The following PTPRJ variants were observed in gnomAD, a reference collection of about 807,000 sequenced individuals.
PTPRJ encodes the protein receptor-type tyrosine-protein phosphatase eta.
Under a neutral mutation model 141.3 loss-of-function variants are expected in PTPRJ, and 129 were observed. The ratio of observed to expected loss-of-function variants is 0.91; its 90% CI spans 0.79 to 1.06. The LOEUF is 1.06. PTPRJ is among the 50% of genes least tolerant of loss of function. PTPRJ has a pLI of 0.00. For synonymous variants in PTPRJ, 610 were observed against 640.5 expected, an observed-to-expected ratio of 0.95 and a Z score of 0.72; for missense variants, 1,601 against 1,679.7, an observed-to-expected ratio of 0.95 and a Z score of 0.82.
intron 2 of PTPRJ, among the ~76,000 whole-genome samples, chr11:48,111,596 A>G (rs1380754323): frequency 2.6e-5 from 4 of 152,202 alleles, no homozygotes; most frequent in Non-Finnish European, 2.9e-5. Flanking sequence ...AGTTTAATAA[A>G]TAAACTGGTG....
intron 1 of PTPRJ, among the ~76,000 whole-genome samples, chr11:47,990,647 A>C (rs1854165262): frequency 6.7e-6 from 1 of 150,114 alleles, no homozygotes; most frequent in Non-Finnish European, 1.5e-5. Context: ...GCTGACCTCA[A>C]GTGATCTGCC....
intron 1 of PTPRJ, among the ~76,000 whole-genome samples, chr11:47,983,200 G>A (rs1443328508): frequency 1.3e-5 from 2 of 151,336 alleles, no homozygotes; most frequent in Admixed American, 6.6e-5. Flanking sequence ...TTTTTTTCCC[G>A]TGTTTTCACT....
intron 1 of PTPRJ, among the ~76,000 whole-genome samples, chr11:48,061,825 G>A (rs181324736): frequency 9.0e-4 from 136 of 151,790 alleles, no homozygotes; most frequent in African/African-American, 3.2e-3. Flanking sequence ...TCCATGTTGT[G>A]TGACTTTGGA....
chr11:48,006,988 T>C (rs1854639397), intron 1 of PTPRJ, among the ~76,000 whole-genome samples: 1 of 152,216 alleles, frequency 6.6e-6, no homozygotes, highest in Non-Finnish European at 1.5e-5. Context: ...ATTTTTCAAA[T>C]ATGAAATCAG....
At chr11:48,106,148 TGAA>T (rs1856282659) in intron 1 of PTPRJ, among the ~76,000 whole-genome samples, 1 of 152,152 alleles carries the variant, frequency 6.6e-6, no homozygotes, top group African/African-American at 2.4e-5. Flanking sequence ...GGTATATGGA[TGAA>T]GGAGTAGGGC....
At chr11:48,085,426 C>A (rs1855676520) in intron 1 of PTPRJ, among the ~76,000 whole-genome samples, 1 of 152,106 alleles carries the variant, frequency 6.6e-6, no homozygotes, top group Non-Finnish European at 1.5e-5. Flanking sequence ...CTCACTGCAA[C>A]CTCCGCCTCC....
chr11:48,076,769 T>G (rs905475292), intron 1 of PTPRJ, among the ~76,000 whole-genome samples: 4 of 138,690 alleles, frequency 2.9e-5, no homozygotes, highest in Non-Finnish European at 4.6e-5. Context: ...ATATCAAACA[T>G]AAGCCAGTGA....
intron 4 of PTPRJ, 44 bp from the exon 5 acceptor site, chr11:48,123,569 G>C: frequency 6.3e-7 from 1 of 1,586,100 alleles, no homozygotes; most frequent in South Asian, 1.1e-5. Context: ...GAAGGTGACT[G>C]CATATATCTT....
chr11:48,025,787 A>G (rs770154796), intron 1 of PTPRJ, among the ~76,000 whole-genome samples: 2 of 152,188 alleles, frequency 1.3e-5, no homozygotes, highest in Non-Finnish European at 2.9e-5. Flanking sequence ...GTCAGCTCCT[A>G]TGTGTGGCCT....
intron 9 of PTPRJ, 75 bp from the exon 10 acceptor site, chr11:48,136,928 T>G: frequency 1.4e-6 from 2 of 1,399,168 alleles, no homozygotes; most frequent in South Asian, 2.8e-5. Context: ...CAGGCTATTT[T>G]TGGATATAGT....
At chr11:48,050,032 A>G (rs79858082) in intron 1 of PTPRJ, among the ~76,000 whole-genome samples, 1 of 152,356 alleles carries the variant, frequency 6.6e-6, no homozygotes, top group East Asian at 1.9e-4. Flanking sequence ...GAGTCTGCTG[A>G]CAGACACGTG....
chr11:48,012,538 GCAAGTGTA>G (rs1854829101), intron 1 of PTPRJ, among the ~76,000 whole-genome samples: 1 of 152,056 alleles, frequency 6.6e-6, no homozygotes, highest in South Asian at 2.1e-4. Flanking sequence ...CTTTTACACA[GCAAGTGTA>G]ACCTCTGAAG....
At chr11:48,135,335 C>T (rs554116993) in intron 8 of PTPRJ, among the ~76,000 whole-genome samples, 224 of 151,846 alleles carry the variant, frequency 1.5e-3, no homozygotes, top group African/African-American at 5.1e-3. Context: ...CCACCACGCC[C>T]GGCTAATTTT....
At chr11:48,159,689 G>C (rs547929480) in intron 21 of PTPRJ, among the ~76,000 whole-genome samples, 1 of 152,166 alleles carries the variant, frequency 6.6e-6, no homozygotes, top group African/African-American at 2.4e-5. Flanking sequence ...GCAGGAATTG[G>C]AGGTGGTAGT....
intron 1 of PTPRJ, among the ~76,000 whole-genome samples, chr11:48,005,276 A>G (rs1383877945): frequency 1.3e-5 from 2 of 151,902 alleles, no homozygotes; most frequent in African/African-American, 4.8e-5. Flanking sequence ...GAATTGTGCA[A>G]CCATCACTGC....
At chr11:48,073,881 C>A (rs1382058253) in intron 1 of PTPRJ, among the ~76,000 whole-genome samples, 2 of 152,282 alleles carry the variant, frequency 1.3e-5, no homozygotes, top group East Asian at 3.9e-4. Flanking sequence ...ATATTTAAGA[C>A]AGCTTGCAGC....
intron 1 of PTPRJ, among the ~76,000 whole-genome samples, chr11:48,000,095 C>A (rs1344674860): frequency 2.2e-4 from 33 of 150,484 alleles, no homozygotes; most frequent in Admixed American, 4.0e-4. Flanking sequence ...CTCACCTCAG[C>A]TGATCTGCCT....
chr11:48,143,149 C>T, intron 12 of PTPRJ, 99 bp downstream of exon 12: 1 of 1,449,208 alleles, frequency 6.9e-7, no homozygotes, highest in Non-Finnish European at 9.4e-7. Flanking sequence ...CAGACACACG[C>T]CTGTCTTCTC....
At chr11:48,061,510 A>G (rs1261777672) in intron 1 of PTPRJ, among the ~76,000 whole-genome samples, 2 of 152,200 alleles carry the variant, frequency 1.3e-5, no homozygotes, top group African/African-American at 4.8e-5. Flanking sequence ...TGTCATGCAC[A>G]GTAATCCTGT....
Sources: allele counts gnomAD v4.1 joint callset (sites outside exome capture counted in the v4.1 genomes callset), GRCh38; gene constraint gnomAD v4.1.1; transcripts MANE v1.5; gene names NCBI Gene and HGNC (gene_info 2026-07-23, HGNC 2026-07-21).